Variants in MAP3K19 observed in about 807,000 individuals in gnomAD.
The protein encoded by MAP3K19 is SPS1/STE20-related protein kinase YSK4.
MAP3K19 carries 91 observed loss-of-function variants against 114.4 expected under a neutral mutation model. The observed-to-expected ratio is 0.80, with a 90% confidence interval of 0.67 to 0.95. The LOEUF (loss-of-function observed/expected upper bound fraction) is 0.95, where lower values mean the gene tolerates loss of function less well. Ranked by LOEUF, MAP3K19 falls within the 40% of genes least tolerant of loss-of-function variation. MAP3K19 has a pLI of 0.00. For missense variants in MAP3K19, 1,471 were observed against 1,573.2 expected (o/e 0.94, Z 1.10); for synonymous variants, 518 against 530.5 (o/e 0.98, Z 0.32).
At chr2:135,042,810 G>A (rs1688672444) in intron 1 of MAP3K19, among the ~76,000 whole-genome samples, 1 of 151,724 alleles carries the variant, frequency 6.6e-6, no homozygotes, top group African/African-American at 2.4e-5. Context: ...GGCTGGGCAT[G>A]GTGGCTCACG....
At chr2:135,038,869 A>AG (rs1464141643) in intron 2 of MAP3K19, among the ~76,000 whole-genome samples, 1 of 151,974 alleles carries the variant, frequency 6.6e-6, no homozygotes, top group Admixed American at 6.6e-5. Flanking sequence ...AAAAAAAAAA[A>AG]GGTTATGCAA....
At chr2:134,997,258 C>G (rs987960239) in intron 8 of MAP3K19, among the ~76,000 whole-genome samples, 1 of 152,112 alleles carries the variant, frequency 6.6e-6, no homozygotes, top group African/African-American at 2.4e-5. Flanking sequence ...TTGCATGATT[C>G]CATTTCTATA....
intron 10 of MAP3K19, among the ~76,000 whole-genome samples, chr2:134,984,381 C>T (rs960912781): frequency 6.6e-6 from 1 of 152,014 alleles, no homozygotes; most frequent in Non-Finnish European, 1.5e-5. Flanking sequence ...ATATCATGCA[C>T]ACATATATAT....
At chr2:134,974,679 T>C (rs1684102897) in intron 12 of MAP3K19, among the ~76,000 whole-genome samples, 1 of 152,224 alleles carries the variant, frequency 6.6e-6, no homozygotes, top group South Asian at 2.1e-4. Flanking sequence ...ATGTAGGCTT[T>C]GTTCACTCTT....
rs1477040353 is a variant in MAP3K19, at chr2:134,987,227, G to T, written c.1645C>A (p.Pro549Thr). ...TCAGTAGAAATCACAAAATTCTGAG[G>T]TGTCTTCTTACTTGTCTTGGTCTTT... ...DSKTKTSKKT[P>T]QNFVISTEGP... The change falls in exon 10 of 13, where the codon CCT becomes ACT. Residue 549 changes from proline (P) to threonine (T), a missense_variant. By Grantham distance (38) the Pro-to-Thr change is conservative. Transcript: ENST00000392915. The T allele has an allele frequency of 1.9e-6, 3 of 1,614,128 alleles. No homozygotes were observed. In the Admixed American group the frequency reaches 5.0e-5, roughly 27 times the overall value.
Position 134,981,240 on chromosome 2 carries a change from C to A in MAP3K19, c.3501G>T (p.Thr1167=). The A allele has an allele frequency of 6.2e-7, 1 of 1,614,152 alleles. No homozygotes were observed. The highest frequency in any genetic ancestry group is 8.5e-7 in the Non-Finnish European group (1 of 1,180,036). The stretch of plus-strand genomic sequence containing the variant: ...AAGCAACACCTTGAAGTATTTGTTT[C>A]GTATATTTACAGAACACCATCTCAG... The part of the protein sequence containing the change: ...PLPEMVFCKY[T]KQILQGVAYL... The change falls in exon 12 of 13, where the codon ACG becomes ACT. Residue 1167 remains threonine, a synonymous_variant. Coordinates refer to ENST00000392915, the MANE Select transcript of MAP3K19 (RefSeq NM_025052.5).
chr2:135,012,602 G>T (rs896933771), intron 5 of MAP3K19, among the ~76,000 whole-genome samples: 2 of 151,764 alleles, frequency 1.3e-5, no homozygotes, highest in Non-Finnish European at 2.9e-5. Context: ...GACTTATACC[G>T]AGAAAAACAG....
At chr2:135,034,481 A>G (rs1199612309) in intron 2 of MAP3K19, among the ~76,000 whole-genome samples, 1 of 127,752 alleles carries the variant, frequency 7.8e-6, no homozygotes, top group Non-Finnish European at 1.5e-5. Flanking sequence ...GGTTGTAGCG[A>G]GCCGAGATCA....
At chr2:135,040,572 G>A (rs1688626425) in intron 1 of MAP3K19, 70 bp from the exon 2 acceptor site, 1 of 152,568 alleles carries the variant, frequency 6.6e-6, no homozygotes, top group African/African-American at 2.4e-5. Flanking sequence ...GAAAAGGAAC[G>A]ATTTAATTAT....
intron 5 of MAP3K19, among the ~76,000 whole-genome samples, chr2:135,006,294 G>A (rs1359480909): frequency 4.6e-5 from 7 of 152,172 alleles, no homozygotes; most frequent in East Asian, 1.9e-4. Flanking sequence ...ATCACAACCC[G>A]AATGTTACAA....
chr2:134,982,113 C>CTTTTTTTTTT (rs35219224), intron 11 of MAP3K19, among the ~76,000 whole-genome samples: 75 of 76,250 alleles, frequency 9.8e-4, no homozygotes, highest in Non-Finnish European at 1.2e-3. Context: ...CTTTTTCTTT[C>CTTTTTTTTTT]TTTTTTTTTT....
chr2:134,981,658 A>G, intron 11 of MAP3K19, 140 bp from the exon 12 acceptor site: 1 of 666,748 alleles, frequency 1.5e-6, no homozygotes, highest in Non-Finnish European at 2.5e-6. Flanking sequence ...CCTAAATGCA[A>G]AGTGTTTAAG....
At chr2:134,974,655 G>A (rs936470816) in intron 12 of MAP3K19, among the ~76,000 whole-genome samples, 1 of 152,028 alleles carries the variant, frequency 6.6e-6, no homozygotes, top group Non-Finnish European at 1.5e-5. Context: ...CCAATTTATA[G>A]TTTCCTACAT....
chr2:135,009,428 C>G (rs1687062011), intron 5 of MAP3K19, among the ~76,000 whole-genome samples: 1 of 149,802 alleles, frequency 6.7e-6, no homozygotes, highest in Non-Finnish European at 1.5e-5. Context: ...TTGTGTAGAT[C>G]CTTAGTCTAG....
intron 2 of MAP3K19, among the ~76,000 whole-genome samples, chr2:135,034,825 GAGGGGGAGGGGGA>G (rs1688491121): frequency 7.5e-5 from 1 of 13,348 alleles, no homozygotes; most frequent in African/African-American, 1.2e-3. Flanking sequence ...GCTGTGGGGA[GAGGGGGAGGGGGA>G]GGGGGAGGGG....
At chr2:135,007,491 G>A (rs1231533092) in intron 5 of MAP3K19, among the ~76,000 whole-genome samples, 1 of 151,896 alleles carries the variant, frequency 6.6e-6, no homozygotes, top group Non-Finnish European at 1.5e-5. Context: ...TAGTCACCCT[G>A]TTGTGCTATC....
rs1441346970 is a variant in MAP3K19, at chr2:135,005,811, G to T, written c.139-280C>A. Among the ~76,000 whole-genome samples, 3 of 152,220 alleles carry T rather than the reference G, an allele frequency of 2.0e-5. No homozygotes were observed. The East Asian group carries it at 5.8e-4, about 29-fold the overall frequency. ...GTATTTTATACTTTATCATCTCAGT[G>T]CCCAGGCTGCTAAGCTGCCCCAAAT... On this transcript the variant is annotated intron_variant, in intron 5 of 12. Transcript: ENST00000392915.
At chr2:135,032,786 G>A (rs938430503) in intron 2 of MAP3K19, among the ~76,000 whole-genome samples, 8 of 147,332 alleles carry the variant, frequency 5.4e-5, no homozygotes, top group Non-Finnish European at 1.2e-4. Context: ...GTGTCCCTGG[G>A]TACTTGAGAT....
At chr2:134,968,261 T>A (rs1021314180) in intron 12 of MAP3K19, among the ~76,000 whole-genome samples, 1 of 152,080 alleles carries the variant, frequency 6.6e-6, no homozygotes, top group East Asian at 1.9e-4. Flanking sequence ...GTATACTTCT[T>A]TCTACACAGA....
Sources: allele counts gnomAD v4.1 joint callset (sites outside exome capture counted in the v4.1 genomes callset), GRCh38; gene constraint gnomAD v4.1.1; transcripts MANE v1.5; gene names NCBI Gene and HGNC (gene_info 2026-07-23, HGNC 2026-07-21).